SV2C: variants seen among roughly 807,000 people sequenced by gnomAD.
SV2C encodes the protein solute carrier family 22 member B3.
SV2C carries 49 observed loss-of-function variants against 79.7 expected under a neutral mutation model. That is an observed-to-expected ratio of 0.61 (90% CI 0.49 to 0.78). The LOEUF (loss-of-function observed/expected upper bound fraction) is 0.78, where lower values mean the gene tolerates loss of function less well. Among genes scored for constraint, SV2C ranks in the 30% least tolerant of loss-of-function variants. The pLI is 0.00. For synonymous variants in SV2C, 334 were observed against 333.2 expected, an observed-to-expected ratio of 1.00 and a Z score of -0.03; for missense variants, 833 against 912.9, an observed-to-expected ratio of 0.91 and a Z score of 1.13.
chr5:75,996,646 C>T, the SV2C span, among the ~76,000 whole-genome samples: 4 of 151,980 alleles, frequency 2.6e-5, no homozygotes, highest in Admixed American at 1.3e-4. Context: ...TGTTTGTATC[C>T]TCTTTTATTT....
chr5:76,342,804 A>G (rs944895320), intron 12 of SV2C, among the ~76,000 whole-genome samples: 1 of 152,210 alleles, frequency 6.6e-6, no homozygotes, highest in African/African-American at 2.4e-5. Flanking sequence ...CTTAAAACAC[A>G]CACTCAGTCT....
At chr5:76,071,886 T>C in the SV2C span, among the ~76,000 whole-genome samples, 2 of 152,218 alleles carry the variant, frequency 1.3e-5, no homozygotes, top group Non-Finnish European at 2.9e-5. Flanking sequence ...AATAGACCTA[T>C]AGTAGAATGT....
At chr5:76,162,722 CGAATTGGGCCCTG>C in intron 2 of SV2C, among the ~76,000 whole-genome samples, 1 of 152,180 alleles carries the variant, frequency 6.6e-6, no homozygotes, top group Non-Finnish European at 1.5e-5. Context: ...CTGGCTTACA[CGAATTGGGCCCTG>C]GAATGTTTCA....
At chr5:76,293,806 G>A (rs1469204893) in intron 8 of SV2C, among the ~76,000 whole-genome samples, 2 of 152,150 alleles carry the variant, frequency 1.3e-5, no homozygotes, top group African/African-American at 4.8e-5. Context: ...TTTAAACTGA[G>A]CAACCACCCA....
At chr5:75,947,087 C>G in the SV2C span, among the ~76,000 whole-genome samples, 2 of 152,060 alleles carry the variant, frequency 1.3e-5, no homozygotes, top group Non-Finnish European at 2.9e-5. Flanking sequence ...TTTAATTGCA[C>G]TTTCACAAAG....
At chr5:76,335,710 A>T (rs1293255898), downstream of SV2C, among the ~76,000 whole-genome samples, 1 of 152,112 alleles carries the variant, frequency 6.6e-6, no homozygotes, top group Non-Finnish European at 1.5e-5. Context: ...TGGACACAGC[A>T]CATGTTTCAG....
chr5:76,280,175 G>T (rs975411896), intron 4 of SV2C, among the ~76,000 whole-genome samples: 2 of 152,216 alleles, frequency 1.3e-5, no homozygotes, highest in Admixed American at 6.5e-5. Context: ...GGGAAAAAAA[G>T]CATATTACAA....
Position 76,331,853 on chromosome 5 carries a change from G to C in SV2C, c.*6306G>C, listed in dbSNP as rs1749197363. 6.6e-6 allele frequency: 1 copy of C among 152,432 alleles called. No homozygotes were observed. The highest frequency in any genetic ancestry group is 1.9e-4 in the East Asian group (1 of 5,206). 9.4% of individuals were successfully genotyped at this position (152,432 alleles called of 1,614,324 possible). On this transcript the variant is annotated 3_prime_UTR_variant, in exon 13 of 13. Transcript: ENST00000502798. ...GGGGGAGTGTGAACGCAAGGCTGCT[G>C]GCTTTGGCACAGCTCCCTGTGCAGG...
At chr5:76,042,409 G>A in the SV2C span, among the ~76,000 whole-genome samples, 1 of 152,176 alleles carries the variant, frequency 6.6e-6, no homozygotes, top group East Asian at 1.9e-4. Context: ...ACTGATGTAT[G>A]TAAAATACTT....
At chr5:76,298,966 C>T (rs745737666) in intron 10 of SV2C, 39 bp downstream of exon 10, 1 of 1,602,838 alleles carries the variant, frequency 6.2e-7, no homozygotes, top group Non-Finnish European at 8.5e-7. Flanking sequence ...CCTGAGGCCT[C>T]TCCAAAGGGC....
At chr5:76,182,940 T>TGA (rs57093673) in intron 2 of SV2C, among the ~76,000 whole-genome samples, 26 of 145,334 alleles carry the variant, frequency 1.8e-4, no homozygotes, top group African/African-American at 3.9e-4. Context: ...TGTGTGTATG[T>TGA]GAGAGAGAGA....
At chr5:75,858,305 A>G in the SV2C span, among the ~76,000 whole-genome samples, 1,622 of 152,202 alleles carry the variant, frequency 0.011, 12 homozygotes, top group South Asian at 0.017. Flanking sequence ...GAGGGTTTTC[A>G]TCAGGAAAAG....
intron 2 of SV2C, among the ~76,000 whole-genome samples, chr5:76,136,552 A>G (rs1749077188): frequency 6.6e-6 from 1 of 151,912 alleles, no homozygotes. Flanking sequence ...TGTGACAAAG[A>G]TACTGAATAA....
At chr5:75,970,848 A>G in the SV2C span, among the ~76,000 whole-genome samples, 1 of 152,156 alleles carries the variant, frequency 6.6e-6, no homozygotes, top group Non-Finnish European at 1.5e-5. Flanking sequence ...TCCCGATACC[A>G]AAGCCTGGCA....
At chr5:75,880,457 T>C in the SV2C span, among the ~76,000 whole-genome samples, 3 of 152,196 alleles carry the variant, frequency 2.0e-5, no homozygotes, top group Admixed American at 2.0e-4. Context: ...TAGAAATTTC[T>C]TCACCAGATT....
At position 76,333,700 on chromosome 5, in the gene SV2C, C is replaced by CT. The variant is rs1749246860; in HGVS notation, c.*8154dup. ...GAACTCATCTTTCCTGTATGCTCCT[C>CT]TGTGTCTGATTTCCAATTGCCAAAA... On this transcript the variant is annotated 3_prime_UTR_variant, in exon 13 of 13. Coordinates refer to ENST00000502798, the MANE Select transcript of SV2C (RefSeq NM_014979.4). 1 of 152,176 alleles carries CT rather than the reference C, an allele frequency of 6.6e-6. No homozygotes were observed. The highest frequency in any genetic ancestry group is 1.5e-5 in the Non-Finnish European group (1 of 68,046). 9.4% of individuals were successfully genotyped at this position (152,176 alleles called of 1,614,324 possible). A position where few individuals can be genotyped will look rare whatever the true frequency, so the allele number is the denominator to read the frequency against.
intron 3 of SV2C, among the ~76,000 whole-genome samples, chr5:76,198,773 G>A: frequency 6.6e-6 from 1 of 152,148 alleles, no homozygotes; most frequent in Admixed American, 6.5e-5. Context: ...CTGAATCTCT[G>A]AGGAGTCTCA....
chr5:76,289,485 G>A (rs1404454850), intron 6 of SV2C, among the ~76,000 whole-genome samples: 1 of 152,124 alleles, frequency 6.6e-6, no homozygotes, highest in Non-Finnish European at 1.5e-5. Flanking sequence ...CAGTCTCCAA[G>A]CCTCATCATT....
At chr5:75,966,426 C>G in the SV2C span, among the ~76,000 whole-genome samples, 1 of 151,998 alleles carries the variant, frequency 6.6e-6, no homozygotes, top group Non-Finnish European at 1.5e-5. Flanking sequence ...TTTCCTGGTC[C>G]CAACAGGATA....
Sources: allele counts gnomAD v4.1 joint callset (sites outside exome capture counted in the v4.1 genomes callset), GRCh38; gene constraint gnomAD v4.1.1; transcripts MANE v1.5; gene names NCBI Gene and HGNC (gene_info 2026-07-23, HGNC 2026-07-21).